The following APH1B variants were observed in gnomAD, a reference collection of about 807,000 sequenced individuals.
APH1B encodes aph-1B gamma-secretase subunit.
Under a neutral mutation model 28.2 loss-of-function variants are expected in APH1B, and 27 were observed. That is an observed-to-expected ratio of 0.96 (90% confidence interval 0.70 to 1.32). APH1B has a LOEUF of 1.32. Among genes scored for constraint, APH1B ranks in the 40% most tolerant of loss-of-function variants. The probability of loss-of-function intolerance (pLI) is 0.00; values close to 1 mark genes in which losing one functional copy is unlikely to be tolerated. For synonymous variants in APH1B, 141 were observed against 124.6 expected, an observed-to-expected ratio of 1.13 and a Z score of -0.88; for missense variants, 305 against 313.6, an observed-to-expected ratio of 0.97 and a Z score of 0.21.
intron 4 of APH1B, among the ~76,000 whole-genome samples, chr15:63,295,131 A>G (rs2038550993): frequency 6.6e-6 from 1 of 152,236 alleles, no homozygotes; most frequent in African/African-American, 2.4e-5. Flanking sequence ...TATAAATGGC[A>G]TAGATCAGGT....
At chr15:63,302,640 C>A in intron 5 of APH1B, 168 bp downstream of exon 5, 1 of 894,790 alleles carries the variant, frequency 1.1e-6, no homozygotes, top group Non-Finnish European at 1.6e-6. Flanking sequence ...AAAAAGACCA[C>A]CACTATTAAT....
chr15:63,298,710 G>A (rs921734334), intron 4 of APH1B, among the ~76,000 whole-genome samples: 1 of 152,224 alleles, frequency 6.6e-6, no homozygotes, highest in Admixed American at 6.5e-5. Flanking sequence ...GTTTTTCCTT[G>A]TAACAGCCCT....
intron 3 of APH1B, 34 bp from the exon 4 acceptor site, chr15:63,287,390 G>A (rs200326309): frequency 4.5e-5 from 73 of 1,608,138 alleles, no homozygotes; most frequent in Non-Finnish European, 5.8e-5. Context: ...ATCTTGGCAG[G>A]AAAAGAGTTA....
intron 4 of APH1B, among the ~76,000 whole-genome samples, chr15:63,288,735 C>CA (rs1326202684): frequency 6.6e-6 from 1 of 152,182 alleles, no homozygotes; most frequent in African/African-American, 2.4e-5. Context: ...TTCTTTTGAA[C>CA]ATTTCATCAT....
At chr15:63,283,022 C>T (rs2038405489) in intron 2 of APH1B, among the ~76,000 whole-genome samples, 1 of 151,888 alleles carries the variant, frequency 6.6e-6, no homozygotes, top group African/African-American at 2.4e-5. Flanking sequence ...AAGAATTTTC[C>T]ACTTCAGTAA....
chr15:63,285,189 G>T (rs930054639), intron 2 of APH1B, among the ~76,000 whole-genome samples: 1 of 152,014 alleles, frequency 6.6e-6, no homozygotes, highest in African/African-American at 2.4e-5. Context: ...TCCCTATTTT[G>T]GTTGAATTCT....
chr15:63,282,841 C>T (rs1490177121), intron 2 of APH1B, among the ~76,000 whole-genome samples: 2 of 152,136 alleles, frequency 1.3e-5, no homozygotes, highest in African/African-American at 2.4e-5. Context: ...CTGAAAATGG[C>T]GTATTTAACT....
intron 4 of APH1B, among the ~76,000 whole-genome samples, chr15:63,296,963 T>C (rs1198978496): frequency 6.6e-6 from 1 of 152,230 alleles, no homozygotes. Context: ...TTCTTGAAGA[T>C]AACACTGAAA....
chr15:63,288,027 G>A (rs927880949), intron 4 of APH1B, among the ~76,000 whole-genome samples: 3 of 152,066 alleles, frequency 2.0e-5, no homozygotes, highest in East Asian at 1.9e-4. Flanking sequence ...TTGCTTTTTC[G>A]TCCACGAGCT....
intron 4 of APH1B, among the ~76,000 whole-genome samples, chr15:63,297,877 A>G (rs1159429053): frequency 6.6e-6 from 1 of 152,194 alleles, no homozygotes; most frequent in Non-Finnish European, 1.5e-5. Flanking sequence ...GGCTGTGATG[A>G]CCATCAAAGC....
Position 63,305,734 on chromosome 15 carries a change from C to G in APH1B, c.727C>G (p.Leu243Val). ...CTGCCGAAGCCTGAAACTCTGCCTG[C>G]TCTGCCAAGACAAGAACTTTCTTCT... ...GSCRSLKLCL[L>V]CQDKNFLLYN... is the part of the protein sequence containing the mutation. The change falls in exon 6 of 6, where the codon CTC becomes GTC. Residue 243 changes from leucine to valine, a missense_variant. Coordinates refer to ENST00000261879, the MANE Select transcript of APH1B (RefSeq NM_031301.4). 1 of 1,614,218 alleles carries G rather than the reference C, an allele frequency of 6.2e-7. No homozygotes were observed. The highest frequency in any genetic ancestry group is 8.5e-7 in the Non-Finnish European group (1 of 1,180,034).
chr15:63,295,322 C>T (rs1014983073), intron 4 of APH1B, among the ~76,000 whole-genome samples: 2 of 152,224 alleles, frequency 1.3e-5, no homozygotes, highest in Admixed American at 6.5e-5. Context: ...GCAGGTCCCC[C>T]ATTAGGGGAT....
chr15:63,294,905 G>C (rs2038547616), intron 4 of APH1B, among the ~76,000 whole-genome samples: 1 of 152,184 alleles, frequency 6.6e-6, no homozygotes, highest in Non-Finnish European at 1.5e-5. Flanking sequence ...AGAAATTCTG[G>C]AAGGCAGTGG....
At chr15:63,281,437 C>G (rs2038386544) in intron 2 of APH1B, among the ~76,000 whole-genome samples, 1 of 151,204 alleles carries the variant, frequency 6.6e-6, no homozygotes, top group Non-Finnish European at 1.5e-5. Flanking sequence ...CCTGACTGGG[C>G]ACTGTACTCT....
rs1429102353 is a variant in APH1B at position 63,305,507 on chromosome 15, A to G, written c.607-107A>G. ...ACACACATCATACGTTTGGTGAAAC[A>G]CACCCAAGTTCTTGAAAGTATTCCA... On this transcript the variant is annotated intron_variant, in intron 5 of 5. Transcript: ENST00000261879. The G allele has an allele frequency of 9.1e-6, 12 of 1,323,618 alleles. No homozygotes were observed. The East Asian group carries it at 2.8e-4, about 31-fold the overall frequency. The allele number at this position is 1,323,618 out of a possible 1,614,324, so 82.0% of individuals were successfully genotyped here.
At chr15:63,282,921 G>A (rs1169673633) in intron 2 of APH1B, among the ~76,000 whole-genome samples, 2 of 152,186 alleles carry the variant, frequency 1.3e-5, no homozygotes, top group East Asian at 1.9e-4. Context: ...GAAAGATGGT[G>A]TGATTTAGCA....
Position 63,305,604 on chromosome 15 carries a change from TC to T in APH1B, c.607-9del. ...GTTATTACCCAAGCTGATTTATTTT[TC>T]TTTTGCAGACCTTCATAAGTTCTTA... On this transcript the variant is annotated splice_polypyrimidine_tract_variant and intron_variant, in intron 5 of 5. Transcript: ENST00000261879. 6.2e-7 allele frequency: 1 copy of T among 1,613,734 alleles called. No homozygotes were observed. Among genetic ancestry groups the T allele is most frequent in the Non-Finnish European group, 8.5e-7 (1 of 1,179,938 alleles).
chr15:63,291,273 C>T (rs968030212), intron 4 of APH1B, among the ~76,000 whole-genome samples: 2 of 152,062 alleles, frequency 1.3e-5, no homozygotes, highest in African/African-American at 4.8e-5. Flanking sequence ...GTTTTTCATT[C>T]CGAATTACCT....
At chr15:63,290,990 G>T (rs766830034) in intron 4 of APH1B, among the ~76,000 whole-genome samples, 3 of 152,118 alleles carry the variant, frequency 2.0e-5, no homozygotes, top group Admixed American at 6.5e-5. Flanking sequence ...CTTTCCTCCA[G>T]GCCTGGAGGT....
Sources: allele counts gnomAD v4.1 joint callset (sites outside exome capture counted in the v4.1 genomes callset), GRCh38; gene constraint gnomAD v4.1.1; transcripts MANE v1.5; gene names NCBI Gene and HGNC (gene_info 2026-07-23, HGNC 2026-07-21).